COL22A1: variants seen among roughly 807,000 people sequenced by gnomAD.
COL22A1 encodes the protein collagen type XXII alpha 1 chain.
Under a neutral mutation model 248.9 loss-of-function variants are expected in COL22A1, and 221 were observed. The observed-to-expected ratio is 0.89, with a 90% CI of 0.80 to 0.99. The LOEUF is 0.99. Among genes scored for constraint, COL22A1 ranks in the 50% least tolerant of loss-of-function variants. The pLI, the probability that COL22A1 is intolerant of heterozygous loss-of-function variation, is 0.00. For synonymous variants in COL22A1, 891 were observed against 793.4 expected (o/e 1.12, Z -2.07); for missense variants, 2,240 against 2,179.0 (o/e 1.03, Z -0.56).
At chr8:138,660,342 G>A in intron 44 of COL22A1, 94 bp downstream of exon 44, 1 of 1,104,324 alleles carries the variant, frequency 9.1e-7, no homozygotes, top group East Asian at 2.4e-5. Flanking sequence ...ATGTTCCTTT[G>A]TTAAAACCTC....
intron 41 of COL22A1, among the ~76,000 whole-genome samples, chr8:138,674,307 C>G (rs1825313551): frequency 6.6e-6 from 1 of 152,110 alleles, no homozygotes. Flanking sequence ...AACTGCATCC[C>G]CAGTGAACTT....
chr8:138,744,057 G>A (rs932295396), intron 22 of COL22A1, among the ~76,000 whole-genome samples: 3 of 152,170 alleles, frequency 2.0e-5, no homozygotes, highest in Admixed American at 1.3e-4. Flanking sequence ...AACCAGGTGC[G>A]CAGGGAAAAC....
chr8:138,634,383 C>T (rs2132019769), intron 49 of COL22A1, among the ~76,000 whole-genome samples: 1 of 152,156 alleles, frequency 6.6e-6, no homozygotes, highest in Admixed American at 6.5e-5. Flanking sequence ...GGGACTGGTC[C>T]TGGGCTTGGC....
Position 138,830,608 on chromosome 8 carries a change from C to T in COL22A1, c.845+2431G>A, listed in dbSNP as rs560315672. 5.6e-4 allele frequency among the ~76,000 whole-genome samples: 86 copies of T among 152,288 alleles called. 2 individuals carry two copies. In the South Asian group the frequency reaches 0.018, roughly 32 times the overall value. ...CCAAATCCGTGACCGGAATCGGGGT[C>T]CCATGCTGTGTTCCACAGAGCATTG... On this transcript the variant is annotated intron_variant, in intron 5 of 64. Transcript: ENST00000303045.
intron 3 of COL22A1, among the ~76,000 whole-genome samples, chr8:138,848,933 T>G (rs906445088): frequency 6.6e-6 from 1 of 152,076 alleles, no homozygotes; most frequent in African/African-American, 2.4e-5. Context: ...CAATCACGGC[T>G]CATCCATCAC....
chr8:138,759,087 T>TA (rs1042772192), intron 18 of COL22A1, among the ~76,000 whole-genome samples: 2 of 152,194 alleles, frequency 1.3e-5, no homozygotes, highest in African/African-American at 4.8e-5. Context: ...ATCTCAACTC[T>TA]AAAAATACTT....
intron 45 of COL22A1, among the ~76,000 whole-genome samples, chr8:138,650,541 C>A (rs960756765): frequency 6.6e-6 from 1 of 152,184 alleles, no homozygotes; most frequent in African/African-American, 2.4e-5. Flanking sequence ...GCCTCATCCA[C>A]CTGCCTCTTG....
intron 41 of COL22A1, among the ~76,000 whole-genome samples, chr8:138,675,746 A>G (rs1225684207): frequency 1.3e-5 from 2 of 152,240 alleles, no homozygotes; most frequent in Non-Finnish European, 2.9e-5. Context: ...ACTATCATTC[A>G]GTAAAGAAGG....
At chr8:138,638,651 G>A (rs959902491) in intron 47 of COL22A1, among the ~76,000 whole-genome samples, 3 of 152,194 alleles carry the variant, frequency 2.0e-5, no homozygotes, top group African/African-American at 7.2e-5. Context: ...TGGAGTCAGA[G>A]AGAAAGAGCA....
Position 138,784,737 on chromosome 8 carries a change from C to T in COL22A1, c.1597-3757G>A, listed in dbSNP as rs139517195. On this transcript the variant is annotated intron_variant, in intron 12 of 64. Coordinates refer to ENST00000303045, the MANE Select transcript of COL22A1 (RefSeq NM_152888.3). The stretch of plus-strand genomic sequence containing the variant: ...ACTTTACATCCATCACTGCATTCAA[C>T]GCCTCCCCACAACAGTTCTATGAAA... 6.6e-5 allele frequency among the ~76,000 whole-genome samples: 10 copies of T among 152,230 alleles called. No individual in the cohort carries two copies. The East Asian group carries it at 9.7e-4, about 15-fold the overall frequency.
At chr8:138,611,747 C>T (rs1380539068) in intron 56 of COL22A1, among the ~76,000 whole-genome samples, 2 of 152,198 alleles carry the variant, frequency 1.3e-5, no homozygotes, top group Admixed American at 6.5e-5. Context: ...GTCATTGTGG[C>T]CCCATCAGGG....
At chr8:138,743,264 GT>G (rs1279596306) in intron 22 of COL22A1, among the ~76,000 whole-genome samples, 2 of 151,072 alleles carry the variant, frequency 1.3e-5, no homozygotes, top group Non-Finnish European at 2.9e-5. Flanking sequence ...GATGGTGGTA[GT>G]GATTGTGATG....
intron 45 of COL22A1, 28 bp from the exon 46 acceptor site, chr8:138,649,806 AAG>A (rs1256717108): frequency 1.5e-6 from 2 of 1,379,044 alleles, no homozygotes; most frequent in South Asian, 2.7e-5. Flanking sequence ...GGTGGGGACA[AAG>A]AGAGAATAAC....
intron 7 of COL22A1, among the ~76,000 whole-genome samples, chr8:138,816,690 A>G (rs4736127): frequency 0.87 from 132,801 of 152,206 alleles, 58,057 homozygotes; most frequent in Middle Eastern, 0.96. Flanking sequence ...CTGTGGTGGG[A>G]ACCAAGGAAA....
At position 138,626,189 on chromosome 8, in the gene COL22A1, C is replaced by G. The variant is rs1425214322; in HGVS notation, c.3717+1G>C. ...TGTTTGTTTTTATAAAAGCCACTTA[C>G]TGGGATTCCGGGTAATCCAGATGGG... is the stretch of plus-strand genomic sequence containing the variant. On this transcript the variant is annotated splice_donor_variant, in intron 51 of 64. Transcript: ENST00000303045. LOFTEE classifies it high-confidence loss of function. The G allele has an allele frequency of 6.3e-7, 1 of 1,593,326 alleles. No individual in the cohort carries two copies. Among genetic ancestry groups the G allele is most frequent in the Admixed American group, 1.8e-5 (1 of 54,422 alleles).
chr8:138,685,210 G>A lies in COL22A1; in HGVS notation c.2965C>T (p.Pro989Ser). The change falls in exon 38 of 65, where the codon CCG becomes TCG. Residue 989 changes from proline to serine, a missense_variant and splice_region_variant. Pro to Ser is a moderately conservative substitution (Grantham distance 74). Coordinates refer to ENST00000303045, the MANE Select transcript of COL22A1 (RefSeq NM_152888.3). ...GGGACCCCCGACCTTCCACTTACCG[G>A]CTCTCCATCCTTCCCTTTTCCGGGT... The part of the protein sequence containing the change: ...GPPGKGKDGE[P>S]GLRGSPGLPG... The A allele has an allele frequency of 6.2e-7, 1 of 1,606,712 alleles. No individual in the cohort carries two copies. Among genetic ancestry groups the A allele is most frequent in the Non-Finnish European group, 8.5e-7 (1 of 1,174,252 alleles).
chr8:138,756,928 T>C (rs77357981), intron 18 of COL22A1, among the ~76,000 whole-genome samples: 5,599 of 152,264 alleles, frequency 0.037, 180 homozygotes, highest in Non-Finnish European at 0.053. Flanking sequence ...AAACCTTGAG[T>C]GCCAGTTTTC....
At chr8:138,758,798 C>CCGTTCATGCTG (rs1423768648) in intron 18 of COL22A1, among the ~76,000 whole-genome samples, 1 of 152,164 alleles carries the variant, frequency 6.6e-6, no homozygotes, top group Non-Finnish European at 1.5e-5. Context: ...CCTTCTCCTC[C>CCGTTCATGCTG]CATTTCTGCT....
At chr8:138,615,905 T>C (rs948635625) in intron 55 of COL22A1, 96 bp downstream of exon 55, 4 of 880,508 alleles carry the variant, frequency 4.5e-6, no homozygotes, top group African/African-American at 3.3e-5. Context: ...TTGGCAGTGC[T>C]GCCACCAGCC....
Sources: allele counts gnomAD v4.1 joint callset (sites outside exome capture counted in the v4.1 genomes callset), GRCh38; gene constraint gnomAD v4.1.1; transcripts MANE v1.5; gene names NCBI Gene and HGNC (gene_info 2026-07-23, HGNC 2026-07-21).